Variants in HTRA4 observed in about 807,000 individuals in gnomAD.
HTRA4 encodes serine protease HTRA4.
A neutral mutation model predicts 49.1 loss-of-function variants in HTRA4; 46 were observed. The ratio of observed to expected loss-of-function variants is 0.94; its 90% confidence interval spans 0.74 to 1.20. The LOEUF is 1.20. Ranked by LOEUF, HTRA4 falls within the 50% of genes most tolerant of loss-of-function variation. The probability of loss-of-function intolerance (pLI) is 0.00; values close to 1 mark genes in which losing one functional copy is unlikely to be tolerated. For synonymous variants in HTRA4, 261 were observed against 264.0 expected (o/e 0.99, Z 0.11); for missense variants, 602 against 636.9 (o/e 0.95, Z 0.59).
chr8:38,975,009 T>C (rs1357863142), intron 1 of HTRA4, 22 bp from the exon 2 acceptor site: 1 of 1,613,224 alleles, frequency 6.2e-7, no homozygotes, highest in Non-Finnish European at 8.5e-7. Context: ...AGGCGTACTC[T>C]TGAGCCAGTA....
At chr8:38,978,209 C>T (rs1835377405) in intron 4 of HTRA4, 62 bp downstream of exon 4, 4 of 1,404,334 alleles carry the variant, frequency 2.8e-6, no homozygotes, top group Non-Finnish European at 1.9e-6. Context: ...GGTCCATGGC[C>T]TGTTAGGAAC....
Position 38,974,591 on chromosome 8 carries a change from A to G in HTRA4, c.328A>G (p.Thr110Ala), listed in dbSNP as rs975907480. The part of the protein sequence containing the change: ...PGFPSTCGCP[T>A]LGGAVCGSDR... ...GTTCCCCAGCACCTGCGGTTGCCCGACGCTGGGAGGGGCCGTGTGCGGCAG... is the reference window on the plus strand; with the variant it reads ...GTTCCCCAGCACCTGCGGTTGCCCGGCGCTGGGAGGGGCCGTGTGCGGCAG... Residue 110 changes from threonine to alanine, a missense_variant, in exon 1 of 9, where the codon ACG (threonine) becomes GCG (alanine). Transcript: ENST00000302495. 2.8e-6 allele frequency: 4 copies of G among 1,426,084 alleles called. No homozygotes were observed. In the African/African-American group the frequency reaches 6.0e-5, roughly 21 times the overall value. 88.3% of individuals were successfully genotyped at this position (1,426,084 alleles called of 1,614,324 possible).
At position 38,975,069 on chromosome 8, in the gene HTRA4, T is replaced by C. The variant is rs750476140; in HGVS notation, c.505T>C (p.Phe169Leu). 6.2e-7 allele frequency: 1 copy of C among 1,614,014 alleles called. No individual in the cohort carries two copies. The highest frequency in any genetic ancestry group is 8.5e-7 in the Non-Finnish European group (1 of 1,180,008). ...SAGPLRRNYNFIAAVVEKVAP... is the reference protein window; with the variant it reads ...SAGPLRRNYNLIAAVVEKVAP... ...AGGCCCGCTCAGGAGGAATTACAAC[T>C]TCATCGCCGCGGTGGTGGAGAAGGT... is the stretch of plus-strand genomic sequence containing the variant. Residue 169 changes from phenylalanine to leucine, a missense_variant, in exon 2 of 9, where the codon TTC becomes CTC. By Grantham distance (22) the Phe-to-Leu change is conservative. Transcript: ENST00000302495.
intron 8 of HTRA4, among the ~76,000 whole-genome samples, chr8:38,987,629 A>T (rs1187272945): frequency 6.6e-6 from 1 of 152,164 alleles, no homozygotes; most frequent in Admixed American, 6.6e-5. Context: ...TCAGGGGTTG[A>T]TAGAAATTAA....
chr8:38,979,510 G>C (rs1377475616), intron 5 of HTRA4, among the ~76,000 whole-genome samples: 1 of 152,096 alleles, frequency 6.6e-6, no homozygotes, highest in Non-Finnish European at 1.5e-5. Context: ...GTGCTTTTCT[G>C]TTCTTGGACC....
rs533862968 is a variant in HTRA4, at chr8:38,988,084, G to C, written c.1417G>C (p.Glu473Gln). The change falls in exon 9 of 9, where the codon GAA (glutamate) becomes CAA (glutamine). Residue 473 changes from glutamate to glutamine, a missense_variant. By Grantham distance (29) the Glu-to-Gln change is conservative (BLOSUM62 2). Coordinates refer to ENST00000302495, the MANE Select transcript of HTRA4 (RefSeq NM_153692.4). ...TAATTTGCTCCTGACAGTCATACCT[G>C]AAACAATCAATTAAATATCTTGTTT... ...KDNLLLTVIP[E>Q]TIN The C allele has an allele frequency of 1.3e-6, 2 of 1,581,432 alleles. No individual in the cohort carries two copies. The highest frequency in any genetic ancestry group is 2.3e-5 in the South Asian group (2 of 85,302).
intron 1 of HTRA4, 27 bp downstream of exon 1, chr8:38,974,756 G>T: frequency 1.4e-6 from 2 of 1,413,378 alleles, no homozygotes; most frequent in South Asian, 3.1e-5. Flanking sequence ...CGCGCCCTCG[G>T]AACACTTTCT....
chr8:38,981,064 T>TTTTTTTTTGTTTTTTTTTG, intron 5 of HTRA4, among the ~76,000 whole-genome samples: 1 of 23,404 alleles, frequency 4.3e-5, no homozygotes, highest in Non-Finnish European at 7.5e-5. Flanking sequence ...TGAGCTTAAG[T>TTTTTTTTTGTTTTTTTTTG]TTTTTTTTTT....
rs775637636 is a variant in HTRA4 at position 38,976,747 on chromosome 8, T to C, written c.771+8T>C. On this transcript the variant is annotated splice_region_variant and intron_variant, in intron 3 of 8. Coordinates refer to ENST00000302495, the MANE Select transcript of HTRA4 (RefSeq NM_153692.4). ...ATTAAGATTGAATCAAATGTGAGTA[T>C]TTCAGGGCTGAGTCAGAGTCTACAT... 5 of 1,614,038 alleles carry C rather than the reference T, an allele frequency of 3.1e-6. No homozygotes were observed. The highest frequency in any genetic ancestry group is 4.2e-6 in the Non-Finnish European group (5 of 1,179,892).
At chr8:38,987,900 A>G in intron 8 of HTRA4, 36 bp from the exon 9 acceptor site, 3 of 1,507,190 alleles carry the variant, frequency 2.0e-6, no homozygotes, top group Non-Finnish European at 1.8e-6. Context: ...TTCTTGTTAT[A>G]GTTTCATGAT....
rs376879603 is a variant in HTRA4, at chr8:38,982,999, A to C, written c.1219A>C (p.Ser407Arg). Residue 407 changes from serine to arginine, a missense_variant, in exon 8 of 9, where the codon AGT (serine) becomes CGT (arginine). Physicochemically the swap from Ser to Arg is moderately radical, Grantham distance 110 (BLOSUM62 -1). Transcript: ENST00000302495. ...GCATTATCCAGATTTCCCTGATGTG[A>C]GTTCTGGGGTTTATGTATGTAAAGT... Reference protein sequence around the residue: ...KMHYPDFPDVSSGVYVCKVVE... With the variant: ...KMHYPDFPDVRSGVYVCKVVE... 1 of 1,613,892 alleles carries C rather than the reference A, an allele frequency of 6.2e-7. No individual in the cohort carries two copies. Among genetic ancestry groups the C allele is most frequent in the Non-Finnish European group, 8.5e-7 (1 of 1,179,820 alleles).
chr8:38,980,447 G>T (rs536087673), intron 5 of HTRA4, among the ~76,000 whole-genome samples: 2 of 151,906 alleles, frequency 1.3e-5, no homozygotes, highest in Non-Finnish European at 2.9e-5. Context: ...CTCTTTTCTG[G>T]CTGGGTACGG....
At position 38,974,339 on chromosome 8, in the gene HTRA4, G is replaced by A. The variant is rs372822868; in HGVS notation, c.76G>A (p.Val26Ile). Residue 26 changes from valine (V) to isoleucine (I), a missense_variant, in exon 1 of 9, where the codon GTC becomes ATC. Physicochemically the swap from Val to Ile is conservative, Grantham distance 29. Transcript: ENST00000302495. ...LPGLLLLLVP[V>I]LWAGAEKLHT... ...GGGGCTGCTGCTGCTCCTGGTGCCC[G>A]TCCTCTGGGCCGGGGCTGAAAAGCT... 43 of 1,611,830 alleles carry A rather than the reference G, an allele frequency of 2.7e-5. No homozygotes were observed. Among genetic ancestry groups the A allele is most frequent in the East Asian group, 8.9e-5 (4 of 44,824 alleles).
chr8:38,977,093 G>T (rs1257997230), intron 3 of HTRA4, among the ~76,000 whole-genome samples: 1 of 149,168 alleles, frequency 6.7e-6, no homozygotes, highest in Non-Finnish European at 1.5e-5. Context: ...CTGCCACCAC[G>T]CCTGGCTAAT....
intron 5 of HTRA4, 75 bp from the exon 6 acceptor site, chr8:38,981,578 T>C (rs1416719110): frequency 1.0e-6 from 1 of 969,632 alleles, no homozygotes; most frequent in Non-Finnish European, 1.6e-6. Flanking sequence ...CTTCACTCCT[T>C]CTTCTGCTTG....
chr8:38,987,470 G>C (rs535976770), intron 8 of HTRA4, among the ~76,000 whole-genome samples: 8 of 151,822 alleles, frequency 5.3e-5, no homozygotes, highest in East Asian at 3.9e-4. Context: ...AAGCTGGGGC[G>C]GGGGGGTGGG....
Position 38,974,263 on chromosome 8 carries a change from G to T in HTRA4, c.-1G>T. Reference sequence around the variant, plus strand: ...AAGAGTGGAAGCGAGGAAGGAACAGGATGATTAGACCTCAGCTGCGGACCG... The same window carrying T: ...AAGAGTGGAAGCGAGGAAGGAACAGTATGATTAGACCTCAGCTGCGGACCG... On this transcript the variant is annotated 5_prime_UTR_variant, in exon 1 of 9. Coordinates refer to ENST00000302495, the MANE Select transcript of HTRA4 (RefSeq NM_153692.4). 6.2e-7 allele frequency: 1 copy of T among 1,612,316 alleles called. No individual in the cohort carries two copies.
At chr8:38,978,828 C>G (rs1835384646) in intron 4 of HTRA4, among the ~76,000 whole-genome samples, 1 of 151,856 alleles carries the variant, frequency 6.6e-6, no homozygotes, top group Non-Finnish European at 1.5e-5. Flanking sequence ...AACCCTGTCT[C>G]TACTAAAAAT....
At position 38,982,960 on chromosome 8, in the gene HTRA4, G is replaced by GA. The variant is rs754738686; in HGVS notation, c.1182dup (p.Glu395ArgfsTer11). 6.2e-7 allele frequency: 1 copy of GA among 1,610,266 alleles called. No individual in the cohort carries two copies. The highest frequency in any genetic ancestry group is 1.1e-5 in the South Asian group (1 of 90,886). ...TCTTCTCACTTCTCTTAGCCTTAGT[G>GA]AAGAATTGAAAATGCATTATCCAGA... On this transcript the variant is annotated frameshift_variant, in exon 8 of 9. Transcript: ENST00000302495. LOFTEE classifies it high-confidence loss of function.
Sources: allele counts gnomAD v4.1 joint callset (sites outside exome capture counted in the v4.1 genomes callset), GRCh38; gene constraint gnomAD v4.1.1; transcripts MANE v1.5; gene names NCBI Gene and HGNC (gene_info 2026-07-23, HGNC 2026-07-21).